NABP1: variants seen among roughly 807,000 people sequenced by gnomAD.
NABP1 encodes the protein nucleic acid binding protein 1, also known as SOSS complex subunit B2.
A neutral mutation model predicts 25.0 loss-of-function variants in NABP1; 18 were observed. That is an observed-to-expected ratio of 0.72 (90% confidence interval 0.50 to 1.07). The LOEUF (loss-of-function observed/expected upper bound fraction) is 1.07, where lower values mean the gene tolerates loss of function less well. Among genes scored for constraint, NABP1 ranks in the 50% least tolerant of loss-of-function variants. The pLI is 0.00. For synonymous variants in NABP1, 71 were observed against 85.0 expected (o/e 0.84, Z 0.91); for missense variants, 270 against 255.6 (o/e 1.06, Z -0.39).
At chr2:191,684,853 G>C (rs1687775848) in intron 5 of NABP1, 1 of 152,198 alleles carries the variant, frequency 6.6e-6, no homozygotes, top group South Asian at 2.1e-4. Context: ...CTCATGTTTT[G>C]GTTTTGTTTT....
At chr2:191,678,742 T>C in intron 1 of NABP1, 37 bp downstream of exon 1, 1 of 1,571,534 alleles carries the variant, frequency 6.4e-7, no homozygotes, top group Non-Finnish European at 8.7e-7. Context: ...CCGCCCGCTG[T>C]GCCTCCCGGG....
In NABP1 at chr2:191,682,010, A is replaced by G; in HGVS notation, c.295A>G (p.Ile99Val). The G allele has an allele frequency of 6.7e-7, 1 of 1,491,078 alleles. No individual in the cohort carries two copies. Among genetic ancestry groups the G allele is most frequent in the Non-Finnish European group, 8.9e-7 (1 of 1,123,786 alleles). The allele number at this position is 1,491,078 out of a possible 1,614,324, so 92.4% of individuals were successfully genotyped here. Residue 99 changes from isoleucine to valine, a missense_variant, in exon 3 of 6, where the codon ATT (isoleucine) becomes GTT (valine). Transcript: ENST00000425611. ...TGGAAGGGGTGGTGAACTTCAAAAA[A>G]TTGGGGAGTAAGTATTAAAATGCAT... ...YTGRGGELQKIGEFCMVYSEV... is the reference protein window; with the variant it reads ...YTGRGGELQKVGEFCMVYSEV...
intron 5 of NABP1, among the ~76,000 whole-genome samples, chr2:191,685,260 T>G (rs965453589): frequency 2.0e-5 from 3 of 152,212 alleles, no homozygotes; most frequent in Non-Finnish European, 4.4e-5. Context: ...ACATTGTCTG[T>G]TTTGAGATAT....
At chr2:191,678,851 G>T in intron 1 of NABP1, 139 bp from the exon 2 acceptor site, 1 of 1,308,020 alleles carries the variant, frequency 7.6e-7, no homozygotes. Flanking sequence ...GCCCGAGATC[G>T]GATCCTACCT....
intron 1 of NABP1, 131 bp downstream of exon 1, chr2:191,678,836 C>A: frequency 2.6e-6 from 2 of 778,198 alleles, no homozygotes; most frequent in Non-Finnish European, 3.9e-6. Flanking sequence ...GCTCTAGTGG[C>A]CTCCGCCCGA....
chr2:191,685,860 G>T lies in NABP1; in HGVS notation c.*92G>T. Reference sequence around the variant, plus strand: ...ATTTATTGTTAACTGTGAAAAGTACGTCCTTTATTGGGTTTCCTTTTATAT... The same window carrying T: ...ATTTATTGTTAACTGTGAAAAGTACTTCCTTTATTGGGTTTCCTTTTATAT... On this transcript the variant is annotated 3_prime_UTR_variant, in exon 6 of 6. Coordinates refer to ENST00000425611, the MANE Select transcript of NABP1 (RefSeq NM_001031716.5). 8.2e-7 allele frequency: 1 copy of T among 1,213,546 alleles called. No individual in the cohort carries two copies. The highest frequency in any genetic ancestry group is 1.4e-5 in the South Asian group (1 of 69,396). 75.2% of individuals were successfully genotyped at this position (1,213,546 alleles called of 1,614,324 possible).
intron 2 of NABP1, among the ~76,000 whole-genome samples, chr2:191,680,432 TCTC>T (rs1341532029): frequency 6.6e-6 from 1 of 152,192 alleles, no homozygotes; most frequent in Non-Finnish European, 1.5e-5. Context: ...GACATTTTCT[TCTC>T]ATACACTGAC....
At chr2:191,682,549 TG>T in intron 3 of NABP1, 1 of 471,198 alleles carries the variant, frequency 2.1e-6, no homozygotes, top group Non-Finnish European at 4.4e-6. Flanking sequence ...ACCCTGGTAA[TG>T]ATCTCCACCC....
Position 191,678,678 on chromosome 2 carries a change from A to T in NABP1, c.64A>T (p.Asn22Tyr). The change falls in exon 1 of 6, where the codon AAT (asparagine) becomes TAT (tyrosine). Residue 22 changes from asparagine to tyrosine, a missense_variant. Physicochemically the swap from Asn to Tyr is moderately radical, Grantham distance 143. Coordinates refer to ENST00000425611, the MANE Select transcript of NABP1 (RefSeq NM_001031716.5). Reference protein sequence around the residue: ...RDIKPGLKNLNVVFIVLEIGR... With the variant: ...RDIKPGLKNLYVVFIVLEIGR... ...TATTAAGCCCGGACTGAAAAACTTA[A>T]ATGTCGTCTTTATTGTCCTGGAGAT... 1.9e-6 allele frequency: 3 copies of T among 1,613,604 alleles called. No individual in the cohort carries two copies. Among genetic ancestry groups the T allele is most frequent in the Non-Finnish European group, 2.5e-6 (3 of 1,179,822 alleles).
intron 5 of NABP1, 55 bp from the exon 6 acceptor site, chr2:191,685,544 C>A: frequency 6.8e-7 from 1 of 1,473,942 alleles, no homozygotes; most frequent in South Asian, 1.3e-5. Context: ...TAAGATAGTT[C>A]TACTTCTATA....
chr2:191,682,014 G>A lies in NABP1; in HGVS notation c.299G>A (p.Gly100Glu), dbSNP rs1687701164. Reference sequence around the variant, plus strand: ...AGGGGTGGTGAACTTCAAAAAATTGGGGAGTAAGTATTAAAATGCATTTTG... The same window carrying A: ...AGGGGTGGTGAACTTCAAAAAATTGAGGAGTAAGTATTAAAATGCATTTTG... ...TGRGGELQKIGEFCMVYSEVP... is the reference protein window; with the variant it reads ...TGRGGELQKIEEFCMVYSEVP... Residue 100 changes from glycine to glutamate, a missense_variant, in exon 3 of 6, where the codon GGG becomes GAG. Transcript: ENST00000425611. 6.7e-7 allele frequency: 1 copy of A among 1,481,914 alleles called. No individual in the cohort carries two copies. Among genetic ancestry groups the A allele is most frequent in the African/African-American group, 1.5e-5 (1 of 68,286 alleles). The allele number at this position is 1,481,914 out of a possible 1,614,324, so 91.8% of individuals were successfully genotyped here.
intron 2 of NABP1, 136 bp downstream of exon 2, chr2:191,679,264 T>C: frequency 9.5e-7 from 1 of 1,054,036 alleles, no homozygotes; most frequent in Admixed American, 2.5e-5. Flanking sequence ...TCCTTTGGTG[T>C]TAACTTTGGG....
intron 3 of NABP1, chr2:191,682,386 C>T (rs932106915): frequency 1.1e-5 from 4 of 375,920 alleles, no homozygotes; most frequent in Non-Finnish European, 2.2e-5. Flanking sequence ...CACCAAGTTT[C>T]AGGCCATAAG....
intron 2 of NABP1, among the ~76,000 whole-genome samples, chr2:191,680,166 G>C (rs1367477711): frequency 6.6e-6 from 1 of 151,998 alleles, no homozygotes; most frequent in Non-Finnish European, 1.5e-5. Flanking sequence ...TTTTATCTTA[G>C]GAAGATAAAA....
chr2:191,685,986 A>T lies in NABP1; in HGVS notation c.*218A>T. 1 of 453,176 alleles carries T rather than the reference A, an allele frequency of 2.2e-6. No homozygotes were observed. The highest frequency in any genetic ancestry group is 3.9e-6 in the Non-Finnish European group (1 of 257,388). 28.1% of individuals were successfully genotyped at this position (453,176 alleles called of 1,614,324 possible). On this transcript the variant is annotated 3_prime_UTR_variant, in exon 6 of 6. Coordinates refer to ENST00000425611, the MANE Select transcript of NABP1 (RefSeq NM_001031716.5). The stretch of plus-strand genomic sequence containing the variant: ...GGAACACTGAAAAGTAGGGGCATTT[A>T]TTTTTAGAGTAAAAAGATTATTGGA...
rs144619335 is a variant in NABP1 at position 191,685,748 on chromosome 2, C to T, written c.595C>T (p.Arg199Trp). The change falls in exon 6 of 6, where the codon CGG becomes TGG. Residue 199 changes from arginine (R) to tryptophan (W), a missense_variant. Physicochemically the swap from Arg to Trp is moderately radical, Grantham distance 101. Transcript: ENST00000425611. ...CACAATAAGTAATGGCAGGGACCCT[C>T]GGAGAGCCTTTAAAAGATGACCTAT... is the stretch of plus-strand genomic sequence containing the variant. ...MTTISNGRDPRRAFKR is the reference protein window; with the variant it reads ...MTTISNGRDPWRAFKR 2.4e-5 allele frequency: 38 copies of T among 1,614,020 alleles called. No individual in the cohort carries two copies. Among genetic ancestry groups the T allele is most frequent in the Middle Eastern group, 1.6e-4 (1 of 6,062 alleles).
In NABP1 at chr2:191,683,533, C is replaced by G; in HGVS notation, c.303-196C>G. On this transcript the variant is annotated intron_variant, in intron 3 of 5. Transcript: ENST00000425611. The surrounding 1 kb of genome is among the most constrained non-coding windows in gnomAD (Gnocchi z 4.1). ...AAATACAAAATAGAATGTTATATATCTTGTAGACAGTCAAATATTTGATGT... is the reference window on the plus strand; with the variant it reads ...AAATACAAAATAGAATGTTATATATGTTGTAGACAGTCAAATATTTGATGT... The G allele has an allele frequency of 1.8e-6, 1 of 541,882 alleles. No homozygotes were observed. Among genetic ancestry groups the G allele is most frequent in the Non-Finnish European group, 3.2e-6 (1 of 309,626 alleles). 33.6% of individuals were successfully genotyped at this position (541,882 alleles called of 1,614,324 possible).
rs1329597578 is a variant in NABP1, at chr2:191,678,570, C to A, written c.-45C>A. ...GGAGGGTGGGAAGCTTTGACCCCGC[C>A]CTGCCCACTCGCGTCTCCGCAGCCG... On this transcript the variant is annotated 5_prime_UTR_variant, in exon 1 of 6. Transcript: ENST00000425611. The A allele has an allele frequency of 2.1e-6, 3 of 1,452,722 alleles. No individual in the cohort carries two copies. Among genetic ancestry groups the A allele is most frequent in the Non-Finnish European group, 2.9e-6 (3 of 1,043,590 alleles). 90.0% of individuals were successfully genotyped at this position (1,452,722 alleles called of 1,614,324 possible).
intron 1 of NABP1, 115 bp downstream of exon 1, chr2:191,678,820 C>G (rs1234215202): frequency 5.6e-6 from 7 of 1,243,554 alleles, no homozygotes; most frequent in Non-Finnish European, 8.0e-6. Flanking sequence ...CTCCCCCACC[C>G]ACGTGGCTCT....
Sources: allele counts gnomAD v4.1 joint callset (sites outside exome capture counted in the v4.1 genomes callset), GRCh38; gene constraint gnomAD v4.1.1; non-coding constraint Gnocchi (gnomAD v3.1); transcripts MANE v1.5; gene names NCBI Gene and HGNC (gene_info 2026-07-23, HGNC 2026-07-21).